PPFIBP1: variants seen among roughly 807,000 people sequenced by gnomAD.
The protein encoded by PPFIBP1 is PPFIB scaffold protein 1, also known as liprin-beta-1.
In PPFIBP1, 112 loss-of-function variants were observed where a neutral mutation model predicts 137.8. The observed-to-expected ratio is 0.81, with a 90% CI of 0.70 to 0.95. The LOEUF (loss-of-function observed/expected upper bound fraction) is 0.95. Ranked by LOEUF, PPFIBP1 falls within the 40% of genes least tolerant of loss-of-function variation. PPFIBP1 has a pLI of 0.00. For missense variants in PPFIBP1, 1,083 were observed against 1,196.6 expected, an observed-to-expected ratio of 0.91 and a Z score of 1.40; for synonymous variants, 378 against 417.3, an observed-to-expected ratio of 0.91 and a Z score of 1.15.
chr12:27,678,715 A>G (rs2060673915), intron 19 of PPFIBP1, among the ~76,000 whole-genome samples: 1 of 151,946 alleles, frequency 6.6e-6, no homozygotes, highest in Non-Finnish European at 1.5e-5. Flanking sequence ...AAAATTAGCC[A>G]GGTGTGGTGG....
At chr12:27,689,820 G>A (rs2061422163) in intron 27 of PPFIBP1, among the ~76,000 whole-genome samples, 1 of 152,084 alleles carries the variant, frequency 6.6e-6, no homozygotes, top group Admixed American at 6.6e-5. Context: ...CCCCAGGAAG[G>A]TTGTATACCA....
intron 1 of PPFIBP1, among the ~76,000 whole-genome samples, chr12:27,560,130 A>G (rs948478802): frequency 2.0e-5 from 3 of 152,220 alleles, no homozygotes; most frequent in Admixed American, 6.5e-5. Context: ...TGTAAAATAT[A>G]TTACTGCTTT....
intron 1 of PPFIBP1, chr12:27,552,583 C>G (rs1286003620): frequency 1.3e-5 from 2 of 152,156 alleles, no homozygotes; most frequent in East Asian, 3.9e-4. Flanking sequence ...AGTTGTGATT[C>G]CAAATCGATG....
chr12:27,540,134 T>G (rs546425163), intron 1 of PPFIBP1, among the ~76,000 whole-genome samples: 1 of 151,860 alleles, frequency 6.6e-6, no homozygotes, highest in African/African-American at 2.4e-5. Flanking sequence ...TATAGCTTAC[T>G]GCAGCCTCAA....
At chr12:27,583,503 T>C (rs571916714) in intron 2 of PPFIBP1, among the ~76,000 whole-genome samples, 1 of 152,310 alleles carries the variant, frequency 6.6e-6, no homozygotes, top group East Asian at 1.9e-4. Flanking sequence ...CATTATTTGC[T>C]TAGAAGAGTG....
chr12:27,538,664 G>T (rs1470403786), intron 1 of PPFIBP1, among the ~76,000 whole-genome samples: 1 of 152,128 alleles, frequency 6.6e-6, no homozygotes, highest in African/African-American at 2.4e-5. Context: ...TGAGATGATT[G>T]GTTCATTCAA....
In PPFIBP1 at chr12:27,680,174, G is replaced by C. The variant is rs984350512; in HGVS notation, c.1895+113G>C. On this transcript the variant is annotated intron_variant, in intron 21 of 29. Coordinates refer to ENST00000228425, the MANE Select transcript of PPFIBP1 (RefSeq NM_003622.4). Reference sequence around the variant, plus strand: ...AAACAAAGTCATTGCTTAATGCTGTGCCTAATGAAAGGGGCCATCATCTTT... The same window carrying C: ...AAACAAAGTCATTGCTTAATGCTGTCCCTAATGAAAGGGGCCATCATCTTT... 2.4e-5 allele frequency: 33 copies of C among 1,397,694 alleles called. No individual in the cohort carries two copies. In the African/African-American group the frequency reaches 4.2e-4, roughly 18 times the overall value. The allele number at this position is 1,397,694 out of a possible 1,614,324, so 86.6% of individuals were successfully genotyped here.
rs564190529 is a variant in PPFIBP1 at position 27,681,620 on chromosome 12, C to T, written c.1970C>T (p.Ser657Leu). 2.2e-5 allele frequency: 36 copies of T among 1,614,126 alleles called. No individual in the cohort carries two copies. Among genetic ancestry groups the T allele is most frequent in the Middle Eastern group, 3.3e-4 (2 of 6,062 alleles). Residue 657 changes from serine (S) to leucine (L), a missense_variant, in exon 22 of 30, where the codon TCG (serine) becomes TTG (leucine). Ser to Leu is a moderately radical substitution (Grantham distance 145). Coordinates refer to ENST00000228425, the MANE Select transcript of PPFIBP1 (RefSeq NM_003622.4). ...CNWLMEQGLG[S>L]YLNSGKHWIA... ...TGGCTGATGGAACAGGGCTTGGGCT[C>T]GTACCTGAATTCTGGCAAGCACTGG...
rs1174172830 is a variant in PPFIBP1, at chr12:27,676,483, G to A, written c.1466G>A (p.Gly489Glu). 1 of 1,603,736 alleles carries A rather than the reference G, an allele frequency of 6.2e-7. No individual in the cohort carries two copies. The highest frequency in any genetic ancestry group is 8.5e-7 in the Non-Finnish European group (1 of 1,174,058). The change falls in exon 18 of 30, where the codon GGG (glycine) becomes GAG (glutamate). Residue 489 changes from glycine to glutamate, a missense_variant. Transcript: ENST00000228425. ...PFGTLPPRPP[G>E]QDTSMDDNPF... ...GGGACCCTTCCTCCCAGGCCCCCAG[G>A]GCAGGACACCTCCATGGATGACAAC...
At chr12:27,688,988 C>A (rs1207071633) in intron 26 of PPFIBP1, 27 bp from the exon 27 acceptor site, 2 of 1,566,000 alleles carry the variant, frequency 1.3e-6, no homozygotes, top group African/African-American at 2.8e-5. Context: ...TGACTTTTGA[C>A]AAGCTTTTTT....
At chr12:27,529,202 G>T (rs1010832503) in intron 1 of PPFIBP1, among the ~76,000 whole-genome samples, 1 of 152,164 alleles carries the variant, frequency 6.6e-6, no homozygotes, top group Admixed American at 6.5e-5. Context: ...AGATTTTATG[G>T]ACACCCTCTG....
rs1378028514 is a variant in PPFIBP1 at position 27,676,549 on chromosome 12, G to T, written c.1532G>T (p.Gly511Val). ...AAAGTCAGATCTTCCTTTGGCCGGGGCTTTTTTAAAATCAAAAGTAACAAG... is the reference window on the plus strand; with the variant it reads ...AAAGTCAGATCTTCCTTTGGCCGGGTCTTTTTTAAAATCAAAAGTAACAAG... The part of the protein sequence containing the change: ...TRKVRSSFGR[G>V]FFKIKSNKRT... The change falls in exon 18 of 30, where the codon GGC (glycine) becomes GTC (valine). Residue 511 changes from glycine (G) to valine (V), a missense_variant. Physicochemically the swap from Gly to Val is moderately radical, Grantham distance 109 (BLOSUM62 -3). Coordinates refer to ENST00000228425, the MANE Select transcript of PPFIBP1 (RefSeq NM_003622.4). 1.2e-6 allele frequency: 2 copies of T among 1,606,208 alleles called. No individual in the cohort carries two copies. Among genetic ancestry groups the T allele is most frequent in the Admixed American group, 3.4e-5 (2 of 58,596 alleles).
At chr12:27,548,093 C>T (rs752605216) in intron 1 of PPFIBP1, 3 of 152,156 alleles carry the variant, frequency 2.0e-5, no homozygotes, top group Non-Finnish European at 4.4e-5. Context: ...TCTCCAGCCT[C>T]TTGGAAGTTT....
At chr12:27,603,997 G>A (rs1315778955) in intron 2 of PPFIBP1, among the ~76,000 whole-genome samples, 3 of 152,186 alleles carry the variant, frequency 2.0e-5, no homozygotes, top group East Asian at 3.8e-4. Flanking sequence ...AGCAGAGTTG[G>A]CATTTTACTA....
At chr12:27,677,508 C>A in intron 19 of PPFIBP1, 1 of 202,828 alleles carries the variant, frequency 4.9e-6, no homozygotes, top group Non-Finnish European at 1.0e-5. Context: ...TTTTTTTGGC[C>A]ATATAGGGAG....
At chr12:27,687,621 A>G in intron 25 of PPFIBP1, 114 bp downstream of exon 25, 2 of 1,252,396 alleles carry the variant, frequency 1.6e-6, no homozygotes, top group South Asian at 3.2e-5. Flanking sequence ...CTTAAAATCC[A>G]GCCTCATTTA....
intron 1 of PPFIBP1, among the ~76,000 whole-genome samples, chr12:27,549,796 G>A (rs1316584888): frequency 2.6e-5 from 4 of 152,236 alleles, no homozygotes; most frequent in East Asian, 3.9e-4. Context: ...CAACTGCCCC[G>A]CCCTCTCCCC....
At chr12:27,666,530 G>A (rs73296196) in intron 12 of PPFIBP1, among the ~76,000 whole-genome samples, 9,469 of 152,154 alleles carry the variant, frequency 0.062, 350 homozygotes, top group East Asian at 0.1. Context: ...CTGGCACTGC[G>A]CTGTTCACCA....
intron 2 of PPFIBP1, among the ~76,000 whole-genome samples, chr12:27,587,423 C>A (rs949825505): frequency 1.3e-5 from 2 of 151,826 alleles, no homozygotes; most frequent in Non-Finnish European, 2.9e-5. Flanking sequence ...GAGATCGAGA[C>A]CATCCTGGCT....
Sources: allele counts gnomAD v4.1 joint callset (sites outside exome capture counted in the v4.1 genomes callset), GRCh38; gene constraint gnomAD v4.1.1; transcripts MANE v1.5; gene names NCBI Gene and HGNC (gene_info 2026-07-23, HGNC 2026-07-21).